Variants in SGCG observed in about 807,000 individuals in gnomAD.
SGCG encodes the protein gamma-sarcoglycan.
A neutral mutation model predicts 29.3 loss-of-function variants in SGCG; 26 were observed. That is an observed-to-expected ratio of 0.89 (90% CI 0.65 to 1.23). The LOEUF is 1.23. Among genes scored for constraint, SGCG ranks in the 50% most tolerant of loss-of-function variants. SGCG has a pLI of 0.00. For synonymous variants in SGCG, 145 were observed against 129.7 expected (o/e 1.12, Z -0.80); for missense variants, 353 against 356.0 (o/e 0.99, Z 0.07).
intron 6 of SGCG, among the ~76,000 whole-genome samples, chr13:23,304,241 C>G (rs186843874): frequency 1.4e-4 from 22 of 152,198 alleles, no homozygotes; most frequent in Admixed American, 6.5e-4. Flanking sequence ...CTTACATACT[C>G]ATGTTTATTA....
intron 4 of SGCG, among the ~76,000 whole-genome samples, chr13:23,265,737 C>T (rs555959797): frequency 4.2e-4 from 64 of 152,032 alleles, no homozygotes; most frequent in African/African-American, 1.4e-3. Flanking sequence ...TTATGCCAGC[C>T]GGAATGGCCA....
rs1566044512 is a variant in SGCG at position 23,314,406 on chromosome 13, A to ATATATATATATATATATATATG, written c.579-6229_579-6228insTATATATATATATATATATGTA. 2.8e-5 allele frequency among the ~76,000 whole-genome samples: 4 copies of ATATATATATATATATATATATG among 141,644 alleles called. No individual in the cohort carries two copies. In the East Asian group the frequency reaches 8.4e-4, roughly 30 times the overall value. The allele number at this position is 141,644 out of a possible 152,430, so 92.9% of individuals were successfully genotyped here. On this transcript the variant is annotated intron_variant, in intron 6 of 7. Coordinates refer to ENST00000218867, the MANE Select transcript of SGCG (RefSeq NM_000231.3). ...GTTATATATATATATATATATATATATAATCTTATTCTGTCCCTAATAAGA... is the reference window on the plus strand; with the variant it reads ...GTTATATATATATATATATATATATATATATATATATATATATATATGTAATCTTATTCTGTCCCTAATAAGA...
chr13:23,323,238 C>A (rs886724949), intron 7 of SGCG, among the ~76,000 whole-genome samples: 1 of 152,110 alleles, frequency 6.6e-6, no homozygotes, highest in East Asian at 1.9e-4. Context: ...AAGAATGAGG[C>A]GTTAGATAAT....
intron 4 of SGCG, 135 bp from the exon 5 acceptor site, chr13:23,279,224 T>A (rs1881207134): frequency 1.3e-6 from 1 of 771,754 alleles, no homozygotes; most frequent in Admixed American, 2.2e-5. Flanking sequence ...ACAGAATCAA[T>A]CAATACCACT....
At chr13:23,177,858 C>A (rs1294226831), upstream of SGCG, among the ~76,000 whole-genome samples, 1 of 151,922 alleles carries the variant, frequency 6.6e-6, no homozygotes, top group African/African-American at 2.4e-5. Context: ...GGATTACAGG[C>A]ATGAGCCACC....
intron 2 of SGCG, among the ~76,000 whole-genome samples, chr13:23,222,944 T>C (rs1468468563): frequency 6.6e-6 from 1 of 152,172 alleles, no homozygotes; most frequent in Non-Finnish European, 1.5e-5. Flanking sequence ...ACTAACTCCT[T>C]ATTCAGAATG....
intron 4 of SGCG, among the ~76,000 whole-genome samples, chr13:23,277,498 A>T (rs1250128406): frequency 6.6e-6 from 1 of 152,260 alleles, no homozygotes; most frequent in East Asian, 1.9e-4. Flanking sequence ...TATTTAAATG[A>T]AGACTCACTG....
At chr13:23,213,139 TG>T (rs1878294810) in intron 2 of SGCG, among the ~76,000 whole-genome samples, 1 of 152,138 alleles carries the variant, frequency 6.6e-6, no homozygotes, top group Admixed American at 6.5e-5. Context: ...GTGGTTTCAC[TG>T]GCAAATAATT....
chr13:23,232,063 G>A (rs567007164), intron 2 of SGCG, among the ~76,000 whole-genome samples: 1 of 151,590 alleles, frequency 6.6e-6, no homozygotes, highest in Non-Finnish European at 1.5e-5. Context: ...AGGTTGCAGT[G>A]AGCCAAGATT....
rs1452539449 is a variant in SGCG, at chr13:23,324,533, T to G, written c.868T>G (p.Cys290Gly). 6 of 1,610,880 alleles carry G rather than the reference T, an allele frequency of 3.7e-6. No individual in the cohort carries two copies. In the African/African-American group the frequency reaches 6.7e-5, roughly 18 times the overall value. Residue 290 changes from cysteine (C) to glycine (G), a missense_variant, in exon 8 of 8, where the codon TGC becomes GGC. By Grantham distance (159) the Cys-to-Gly change is radical. Coordinates refer to ENST00000218867, the MANE Select transcript of SGCG (RefSeq NM_000231.3). ...CACGTGCCAGGAGCACAACCACATC[T>G]GCCTCTGAGCTGCCTGCGTCCTCTC... is the stretch of plus-strand genomic sequence containing the variant. ...STTCQEHNHI[C>G]L
chr13:23,208,331 ACACCTCATCATACTTTAATGTTT>A (rs1246969456), intron 2 of SGCG, among the ~76,000 whole-genome samples: 2 of 152,180 alleles, frequency 1.3e-5, no homozygotes, highest in African/African-American at 4.8e-5. Flanking sequence ...TGTCATTGCA[ACACCTCATCATACTTTAATGTTT>A]CACTGTAGAA....
At chr13:23,248,981 ACT>A (rs1879846231) in intron 3 of SGCG, among the ~76,000 whole-genome samples, 2 of 134,626 alleles carry the variant, frequency 1.5e-5, no homozygotes, top group Admixed American at 1.6e-4. Context: ...ACAGAGCCAG[ACT>A]CTGTCACAGA....
chr13:23,237,853 T>C (rs931830924), intron 3 of SGCG, among the ~76,000 whole-genome samples: 4 of 147,076 alleles, frequency 2.7e-5, no homozygotes, highest in Admixed American at 2.0e-4. Flanking sequence ...AATATCCAAC[T>C]AAATAAAAAG....
chr13:23,211,356 T>C (rs1878203529), intron 2 of SGCG, among the ~76,000 whole-genome samples: 1 of 152,244 alleles, frequency 6.6e-6, no homozygotes, highest in South Asian at 2.1e-4. Flanking sequence ...AGAGTGTTTC[T>C]CTCAGGAAAG....
intron 7 of SGCG, 149 bp from the exon 8 acceptor site, chr13:23,324,219 T>C (rs1423127413): frequency 1.4e-6 from 1 of 723,392 alleles, no homozygotes; most frequent in Non-Finnish European, 2.4e-6. Flanking sequence ...AAGAATCGGA[T>C]AATTACGAAA....
chr13:23,189,692 C>T (rs556963296), intron 1 of SGCG, among the ~76,000 whole-genome samples: 1 of 152,278 alleles, frequency 6.6e-6, no homozygotes, highest in South Asian at 2.1e-4. Context: ...AAAACTATCA[C>T]CTTGCTTTCA....
intron 2 of SGCG, among the ~76,000 whole-genome samples, chr13:23,209,223 A>ATT (rs1566000221): frequency 6.6e-6 from 1 of 152,140 alleles, no homozygotes; most frequent in Non-Finnish European, 1.5e-5. Flanking sequence ...TATTGTGGTA[A>ATT]TAAGTTACAT....
the SGCG span, among the ~76,000 whole-genome samples, chr13:23,168,705 CA>C: frequency 6.6e-6 from 1 of 152,184 alleles, no homozygotes; most frequent in Non-Finnish European, 1.5e-5. Flanking sequence ...AGCAGACAAA[CA>C]TTTTTTAATA....
At chr13:23,290,859 C>A (rs1397364853) in intron 5 of SGCG, among the ~76,000 whole-genome samples, 1 of 152,144 alleles carries the variant, frequency 6.6e-6, no homozygotes, top group African/African-American at 2.4e-5. Flanking sequence ...AACCTAGAAA[C>A]AGCAGTATGT....
Sources: allele counts gnomAD v4.1 joint callset (sites outside exome capture counted in the v4.1 genomes callset), GRCh38; gene constraint gnomAD v4.1.1; transcripts MANE v1.5; gene names NCBI Gene and HGNC (gene_info 2026-07-23, HGNC 2026-07-21).